POLI: variants seen among roughly 807,000 people sequenced by gnomAD.
POLI encodes DNA polymerase iota, also known as RAD30 homolog B.
Under a neutral mutation model 51.6 loss-of-function variants are expected in POLI, and 58 were observed. The ratio of observed to expected loss-of-function variants is 1.12; its 90% confidence interval spans 0.91 to 1.40. The LOEUF (loss-of-function observed/expected upper bound fraction) is 1.40. Among genes scored for constraint, POLI ranks in the 40% most tolerant of loss-of-function variants. POLI has a pLI of 0.00. For missense variants in POLI, 921 were observed against 871.3 expected, an observed-to-expected ratio of 1.06 and a Z score of -0.72; for synonymous variants, 322 against 299.7, an observed-to-expected ratio of 1.07 and a Z score of -0.77.
chr18:54,280,890 A>G lies in POLI; in HGVS notation c.783A>G (p.Ile261Met), dbSNP rs3218784. The G allele has an allele frequency of 0.023, 35,948 of 1,556,892 alleles. 487 individuals carry two copies. Among genetic ancestry groups the G allele is most frequent in the Non-Finnish European group, 0.027 (30,338 of 1,127,974 alleles). The change falls in exon 5 of 10, where the codon ATA becomes ATG. Residue 261 changes from isoleucine (I) to methionine (M), a missense_variant. Coordinates refer to ENST00000579534, the MANE Select transcript of POLI (RefSeq NM_007195.3). Reference protein sequence around the residue: ...CQHLIHSLNHIKEIPGIGYKT... With the variant: ...CQHLIHSLNHMKEIPGIGYKT... The stretch of plus-strand genomic sequence containing the variant: ...ATCTTATTCATAGTTTGAATCACAT[A>G]AAGGAAATACCTGGTAAGACAAATA...
chr18:54,281,466 A>G (rs182517638), intron 5 of POLI, among the ~76,000 whole-genome samples: 218 of 152,262 alleles, frequency 1.4e-3, no homozygotes, highest in Non-Finnish European at 2.4e-3. Flanking sequence ...TTTCTGTGGT[A>G]TTGCTAGGGA....
chr18:54,315,056 G>C (rs2088715829), intron 3 of POLI, among the ~76,000 whole-genome samples: 1 of 151,976 alleles, frequency 6.6e-6, no homozygotes, highest in Admixed American at 6.6e-5. Context: ...TGTAATGTTA[G>C]ATTATTAATT....
At position 54,269,555 on chromosome 18, in the gene POLI, G is replaced by A. The variant is rs1393988562; in HGVS notation, c.9G>A (p.Lys3=). 8 of 1,507,292 alleles carry A rather than the reference G, an allele frequency of 5.3e-6. No individual in the cohort carries two copies. Among genetic ancestry groups the A allele is most frequent in the Non-Finnish European group, 7.1e-6 (8 of 1,133,276 alleles). 93.4% of individuals were successfully genotyped at this position (1,507,292 alleles called of 1,614,324 possible). ME[K]LGVEPEEEGG... is the part of the protein sequence containing the mutation. ...CGGTTGGCAGCGGCGGGATGGAGAA[G>A]CTGGGGGTGGAGCCGGAGGAGGAAG... Residue 3 remains lysine, a synonymous_variant, in exon 1 of 10, where the codon AAG becomes AAA. Coordinates refer to ENST00000579534, the MANE Select transcript of POLI (RefSeq NM_007195.3).
chr18:54,294,247 T>C lies in POLI; in HGVS notation c.2003T>C (p.Phe668Ser), dbSNP rs750175746. The change falls in exon 10 of 10, where the codon TTC becomes TCC. Residue 668 changes from phenylalanine to serine, a missense_variant. Coordinates refer to ENST00000579534, the MANE Select transcript of POLI (RefSeq NM_007195.3). ...SFPNLQSEQL[F>S]SRNHTTDSHK... ...CCAAACTTGCAGAGTGAGCAACTTTTCTCCAGAAACCACACTACAGATAGC... is the reference window on the plus strand; with the variant it reads ...CCAAACTTGCAGAGTGAGCAACTTTCCTCCAGAAACCACACTACAGATAGC... 3.1e-6 allele frequency: 5 copies of C among 1,613,708 alleles called. No individual in the cohort carries two copies. Among genetic ancestry groups the C allele is most frequent in the Non-Finnish European group, 4.2e-6 (5 of 1,179,728 alleles).
At chr18:54,286,133 G>A (rs1392039198) in intron 7 of POLI, among the ~76,000 whole-genome samples, 1 of 152,108 alleles carries the variant, frequency 6.6e-6, no homozygotes, top group Non-Finnish European at 1.5e-5. Context: ...CAAAGTGTTG[G>A]GATTACAGGT....
At chr18:54,277,901 C>T in intron 4 of POLI, 46 bp downstream of exon 4, 4 of 1,396,770 alleles carry the variant, frequency 2.9e-6, no homozygotes, top group Non-Finnish European at 4.0e-6. Flanking sequence ...AAAGTACATA[C>T]ATTTCTTAAT....
chr18:54,307,120 G>C lies in POLI; in HGVS notation c.334-13153G>C, dbSNP rs545367137. Among the ~76,000 whole-genome samples, 3 of 152,076 alleles carry C rather than the reference G, an allele frequency of 2.0e-5. No individual in the cohort carries two copies. The South Asian group carries it at 6.2e-4, about 32-fold the overall frequency. ...TCTGCTCTCATCTTAGTTATTTCTT[G>C]CCTTCTGCTAGCTTTTGAATTTGTT... On this transcript the variant is annotated intron_variant, in intron 3 of 4. Transcript: ENST00000579823.
intron 3 of POLI, among the ~76,000 whole-genome samples, chr18:54,306,779 A>G (rs1279370162): frequency 6.6e-6 from 1 of 152,160 alleles, no homozygotes. Flanking sequence ...TCAGCAATTC[A>G]ACTTCTTCCT....
rs769761487 is a variant in POLI at position 54,273,980 on chromosome 18, G to C, written c.296G>C (p.Gly99Ala). The change falls in exon 3 of 10, where the codon GGA (glycine) becomes GCA (alanine). Residue 99 changes from glycine to alanine, a missense_variant. By Grantham distance (60) the Gly-to-Ala change is moderately conservative (BLOSUM62 0). Transcript: ENST00000579534. ...VTCNYEARKL[G>A]VKKLMNVRDA... ...TGCAACTATGAAGCTAGGAAACTTG[G>C]AGTTAAGAAACTTATGAATGTCAGA... 1 of 1,582,400 alleles carries C rather than the reference G, an allele frequency of 6.3e-7. No individual in the cohort carries two copies. Among genetic ancestry groups the C allele is most frequent in the African/African-American group, 1.4e-5 (1 of 73,588 alleles).
intron 9 of POLI, among the ~76,000 whole-genome samples, chr18:54,292,803 T>A (rs2088092037): frequency 1.3e-5 from 2 of 152,088 alleles, no homozygotes; most frequent in Non-Finnish European, 2.9e-5. Flanking sequence ...AATTACTTTT[T>A]TCTGTGACCC....
At chr18:54,276,941 T>G (rs1308518512) in intron 3 of POLI, among the ~76,000 whole-genome samples, 1 of 152,244 alleles carries the variant, frequency 6.6e-6, no homozygotes, top group Non-Finnish European at 1.5e-5. Context: ...CCAGCTGGTG[T>G]CAGTAGAAAG....
downstream of POLI, among the ~76,000 whole-genome samples, chr18:54,301,281 C>G (rs1463443709): frequency 2.6e-5 from 4 of 151,850 alleles, no homozygotes; most frequent in Non-Finnish European, 5.9e-5. Flanking sequence ...TCCCATCACA[C>G]ACACACACAC....
chr18:54,286,407 A>G (rs1377709865), intron 7 of POLI, among the ~76,000 whole-genome samples: 1 of 152,088 alleles, frequency 6.6e-6, no homozygotes, highest in Non-Finnish European at 1.5e-5. Context: ...GCATGTACTC[A>G]TATTGTATAT....
At chr18:54,286,279 G>A (rs1027618049) in intron 7 of POLI, among the ~76,000 whole-genome samples, 1 of 152,110 alleles carries the variant, frequency 6.6e-6, no homozygotes, top group Non-Finnish European at 1.5e-5. Flanking sequence ...TATAAAAAGG[G>A]AAATGTTATC....
At chr18:54,302,011 A>G (rs892896311), downstream of POLI, among the ~76,000 whole-genome samples, 1 of 152,136 alleles carries the variant, frequency 6.6e-6, no homozygotes, top group Admixed American at 6.5e-5. Flanking sequence ...TTATTTGTTT[A>G]AGAATGTGGG....
At chr18:54,308,767 G>T (rs918616222) in intron 3 of POLI, among the ~76,000 whole-genome samples, 3 of 152,064 alleles carry the variant, frequency 2.0e-5, no homozygotes, top group African/African-American at 7.2e-5. Context: ...TTTCTTGAGG[G>T]CTTTGTTTAT....
At chr18:54,282,761 T>C (rs1408992182) in intron 5 of POLI, 76 bp from the exon 6 acceptor site, 45 of 761,608 alleles carry the variant, frequency 5.9e-5, no homozygotes, top group Non-Finnish European at 2.1e-6. Context: ...AAGATTGATA[T>C]ATTTATAATA....
intron 3 of POLI, among the ~76,000 whole-genome samples, chr18:54,315,787 TG>T: frequency 6.6e-6 from 1 of 152,218 alleles, no homozygotes; most frequent in African/African-American, 2.4e-5. Context: ...TATTCTTTTT[TG>T]TTTTCCATTT....
intron 3 of POLI, among the ~76,000 whole-genome samples, chr18:54,317,175 A>G (rs1220886545): frequency 6.6e-6 from 1 of 152,190 alleles, no homozygotes; most frequent in Non-Finnish European, 1.5e-5. Flanking sequence ...TTGCCTTCTT[A>G]TGAGAACATA....
Sources: allele counts gnomAD v4.1 joint callset (sites outside exome capture counted in the v4.1 genomes callset), GRCh38; gene constraint gnomAD v4.1.1; transcripts MANE v1.5; gene names NCBI Gene and HGNC (gene_info 2026-07-23, HGNC 2026-07-21).